SCRG1: variants seen among roughly 807,000 people sequenced by gnomAD.
SCRG1 encodes stimulator of chondrogenesis 1, also known as scrapie-responsive protein 1.
SCRG1 carries 3 observed loss-of-function variants against 7.7 expected under a neutral mutation model. The observed-to-expected ratio is 0.39, with a 90% CI of 0.18 to 1.01. SCRG1 has a LOEUF of 1.01. Ranked by LOEUF, SCRG1 falls within the 50% of genes least tolerant of loss-of-function variation. SCRG1 has a pLI of 0.36. For missense variants in SCRG1, 110 were observed against 117.2 expected, an observed-to-expected ratio of 0.94 and a Z score of 0.28; for synonymous variants, 46 against 41.2, an observed-to-expected ratio of 1.12 and a Z score of -0.44.
chr4:173,486,732 T>C, the SCRG1 span, among the ~76,000 whole-genome samples: 1 of 152,228 alleles, frequency 6.6e-6, no homozygotes, highest in South Asian at 2.1e-4. Flanking sequence ...CCTCTGCTTC[T>C]TTTTGGAATC....
chr4:173,452,682 G>A, the SCRG1 span, among the ~76,000 whole-genome samples: 2 of 152,128 alleles, frequency 1.3e-5, no homozygotes, highest in South Asian at 4.1e-4. Flanking sequence ...TTTTTTTAAA[G>A]ACCCTGCTGC....
intron 1 of SCRG1, among the ~76,000 whole-genome samples, chr4:173,396,716 G>GTGTGTGTC (rs1392961323): frequency 4.1e-5 from 5 of 120,736 alleles, no homozygotes; most frequent in Non-Finnish European, 8.6e-5. Flanking sequence ...GTAGTTTTGT[G>GTGTGTGTC]TGTGTGTGTG....
At chr4:173,449,118 G>C in the SCRG1 span, among the ~76,000 whole-genome samples, 1 of 152,198 alleles carries the variant, frequency 6.6e-6, no homozygotes, top group African/African-American at 2.4e-5. Context: ...AGGCAATGTA[G>C]GACGTGTTAC....
At chr4:173,439,201 C>A in the SCRG1 span, among the ~76,000 whole-genome samples, 1 of 152,120 alleles carries the variant, frequency 6.6e-6, no homozygotes, top group African/African-American at 2.4e-5. Flanking sequence ...ACACTTCCAA[C>A]GAGTCAGGAA....
chr4:173,485,235 A>G, the SCRG1 span, among the ~76,000 whole-genome samples: 1 of 36,430 alleles, frequency 2.7e-5, no homozygotes, highest in Non-Finnish European at 8.9e-5. Flanking sequence ...TTTTTTTTAA[A>G]AAGGAATGAG....
At chr4:173,401,737 T>G (rs1215654126), upstream of SCRG1, among the ~76,000 whole-genome samples, 1 of 152,168 alleles carries the variant, frequency 6.6e-6, no homozygotes, top group East Asian at 1.9e-4. Context: ...CTTAGGAAAG[T>G]TTTCCCCTAA....
chr4:173,423,679 T>C, the SCRG1 span, among the ~76,000 whole-genome samples: 68 of 152,132 alleles, frequency 4.5e-4, no homozygotes, highest in African/African-American at 1.6e-3. Context: ...ATTTTTTTTT[T>C]ATTTTTTCCT....
Position 173,388,135 on chromosome 4 carries a change from A to G in SCRG1, c.*206T>C, listed in dbSNP as rs1281499135. 4 of 456,264 alleles carry G rather than the reference A, an allele frequency of 8.8e-6. No individual in the cohort carries two copies. Among genetic ancestry groups the G allele is most frequent in the African/African-American group, 8.1e-5 (4 of 49,330 alleles). 28.3% of individuals were successfully genotyped at this position (456,264 alleles called of 1,614,324 possible). A position where few individuals can be genotyped will look rare whatever the true frequency, so the allele number is the denominator to read the frequency against. On this transcript the variant is annotated 3_prime_UTR_variant, in exon 3 of 3. Coordinates refer to ENST00000296506, the MANE Select transcript of SCRG1 (RefSeq NM_007281.4). ...CATTTTCTAGGCAAAATTTTTAACC[A>G]ATGCCAACAATGTCCACAGAGAAAA...
chr4:173,448,094 A>G, the SCRG1 span, among the ~76,000 whole-genome samples: 2 of 152,200 alleles, frequency 1.3e-5, no homozygotes, highest in African/African-American at 4.8e-5. Context: ...ACAAGAGGGA[A>G]ACTCTGTCTC....
intron 1 of SCRG1, chr4:173,404,447 A>G (rs577385580): frequency 1.3e-5 from 2 of 152,344 alleles, no homozygotes; most frequent in East Asian, 3.9e-4. Flanking sequence ...AAAGTCAGAT[A>G]TGGACAGTTG....
chr4:173,483,215 A>ATG, the SCRG1 span, among the ~76,000 whole-genome samples: 1 of 46,862 alleles, frequency 2.1e-5, no homozygotes, highest in Admixed American at 3.4e-4. Flanking sequence ...GATATATCAT[A>ATG]TAATATATAT....
At chr4:173,428,071 A>G in the SCRG1 span, among the ~76,000 whole-genome samples, 15 of 152,184 alleles carry the variant, frequency 9.9e-5, no homozygotes, top group Non-Finnish European at 1.8e-4. Flanking sequence ...CTTTATGCAT[A>G]TGTTTGGGGT....
At chr4:173,458,634 T>G in the SCRG1 span, among the ~76,000 whole-genome samples, 1 of 151,972 alleles carries the variant, frequency 6.6e-6, no homozygotes, top group Non-Finnish European at 1.5e-5. Flanking sequence ...GAATGAAAAC[T>G]TATCACTACT....
At chr4:173,405,839 T>C (rs1739889339) in intron 1 of SCRG1, among the ~76,000 whole-genome samples, 1 of 152,176 alleles carries the variant, frequency 6.6e-6, no homozygotes, top group South Asian at 2.1e-4. Context: ...CTTGTGTATT[T>C]CCTGTCCCAG....
chr4:173,466,945 A>G, the SCRG1 span, among the ~76,000 whole-genome samples: 1 of 152,100 alleles, frequency 6.6e-6, no homozygotes, highest in Non-Finnish European at 1.5e-5. Context: ...CACAGGAAAA[A>G]AATAAATTTG....
chr4:173,469,356 TATAAA>T, the SCRG1 span: 5 of 152,142 alleles, frequency 3.3e-5, no homozygotes, highest in Non-Finnish European at 7.4e-5. Context: ...AAGATAATAA[TATAAA>T]ATAAATGTAG....
the SCRG1 span, among the ~76,000 whole-genome samples, chr4:173,467,060 C>T: frequency 6.6e-6 from 1 of 152,086 alleles, no homozygotes; most frequent in Non-Finnish European, 1.5e-5. Context: ...ATATATATCT[C>T]TACATAAAAA....
At chr4:173,468,977 G>GT in the SCRG1 span, 1 of 152,154 alleles carries the variant, frequency 6.6e-6, no homozygotes, top group Non-Finnish European at 1.5e-5. Flanking sequence ...GACATACATA[G>GT]TATGCTCAAA....
chr4:173,452,756 G>T, the SCRG1 span, among the ~76,000 whole-genome samples: 1 of 152,092 alleles, frequency 6.6e-6, no homozygotes, highest in Non-Finnish European at 1.5e-5. Flanking sequence ...TCAAACTAGA[G>T]AGTTTTTTGC....
Sources: allele counts gnomAD v4.1 joint callset (sites outside exome capture counted in the v4.1 genomes callset), GRCh38; gene constraint gnomAD v4.1.1; transcripts MANE v1.5; gene names NCBI Gene and HGNC (gene_info 2026-07-23, HGNC 2026-07-21).